Variants in RMND5B observed in about 807,000 individuals in gnomAD.
The protein encoded by RMND5B is required for meiotic nuclear division 5 homolog B, also known as E3 ubiquitin-protein transferase RMND5B.
RMND5B carries 42 observed loss-of-function variants against 50.4 expected under a neutral mutation model. The ratio of observed to expected loss-of-function variants is 0.83; its 90% CI spans 0.65 to 1.08. The LOEUF (loss-of-function observed/expected upper bound fraction) is 1.08. Among genes scored for constraint, RMND5B ranks in the 50% least tolerant of loss-of-function variants. The probability of loss-of-function intolerance (pLI) is 0.00; values close to 1 mark genes in which losing one functional copy is unlikely to be tolerated. For missense variants in RMND5B, 463 were observed against 508.5 expected (o/e 0.91, Z 0.86); for synonymous variants, 220 against 210.0 (o/e 1.05, Z -0.41).
At chr5:178,132,677 T>C (rs1233143942) in intron 2 of RMND5B, among the ~76,000 whole-genome samples, 3 of 150,870 alleles carry the variant, frequency 2.0e-5, no homozygotes, top group African/African-American at 7.3e-5. Flanking sequence ...GAGGCTGCAG[T>C]GAGCCCTGAT....
chr5:178,143,993 G>A lies in RMND5B; in HGVS notation c.579G>A (p.Glu193=). Residue 193 remains glutamate, a synonymous_variant, in exon 7 of 11, where the codon GAG becomes GAA. Coordinates refer to ENST00000313386, the MANE Select transcript of RMND5B (RefSeq NM_022762.5). ...QRLLELNSSL[E]FKLHRLHFIR... ...TGCTGGAACTCAACAGCTCCCTGGA[G>A]TTCAAGCTGCACCGACTGCACTTCA... The A allele has an allele frequency of 1.2e-6, 2 of 1,614,250 alleles. No individual in the cohort carries two copies. The highest frequency in any genetic ancestry group is 1.7e-6 in the Non-Finnish European group (2 of 1,180,048).
rs141228530 is a variant in RMND5B, at chr5:178,150,474, G to A, written c.*2442G>A. The A allele has an allele frequency of 1.4e-3, 500 of 357,004 alleles. 2 individuals are homozygous for A. The highest frequency in any genetic ancestry group is 9.9e-3 in the African/African-American group (463 of 46,850). The allele number at this position is 357,004 out of a possible 1,614,324, so 22.1% of individuals were successfully genotyped here. A position where few individuals can be genotyped will look rare whatever the true frequency, so the allele number is the denominator to read the frequency against. On this transcript the variant is annotated 3_prime_UTR_variant, in exon 11 of 11. Coordinates refer to ENST00000313386, the MANE Select transcript of RMND5B (RefSeq NM_022762.5). Reference sequence around the variant, plus strand: ...TGGCTCACTGCAGCCTTGAACTCCTGGGTTCAAGTGATCTCCTGCTTTAGC... The same window carrying A: ...TGGCTCACTGCAGCCTTGAACTCCTAGGTTCAAGTGATCTCCTGCTTTAGC...
At position 178,149,920 on chromosome 5, in the gene RMND5B, C is replaced by T; in HGVS notation, c.*1888C>T. ...AAGTCACCAACTGATGACCCACCAG[C>T]CTAATCTGGCCCACAACCATGTTCT... On this transcript the variant is annotated 3_prime_UTR_variant, in exon 11 of 11. Transcript: ENST00000313386. 2.1e-6 allele frequency: 3 copies of T among 1,459,560 alleles called. No homozygotes were observed. In the Admixed American group the frequency reaches 5.4e-5, roughly 26 times the overall value. 90.4% of individuals were successfully genotyped at this position (1,459,560 alleles called of 1,614,324 possible).
rs774927975 is a variant in RMND5B, at chr5:178,148,215, C to T, written c.*183C>T. The T allele has an allele frequency of 3.4e-5, 21 of 624,796 alleles. No homozygotes were observed. Among genetic ancestry groups the T allele is most frequent in the Middle Eastern group, 4.2e-4 (1 of 2,402 alleles). 38.7% of individuals were successfully genotyped at this position (624,796 alleles called of 1,614,324 possible). A position where few individuals can be genotyped will look rare whatever the true frequency, so the allele number is the denominator to read the frequency against. On this transcript the variant is annotated 3_prime_UTR_variant, in exon 11 of 11. Transcript: ENST00000313386. ...CTGAGGAGGGAGATGGACCAGCCCACGCCTGGCACCTGGCTCCATGGCATA... is the reference window on the plus strand; with the variant it reads ...CTGAGGAGGGAGATGGACCAGCCCATGCCTGGCACCTGGCTCCATGGCATA...
At chr5:178,146,346 C>A in intron 8 of RMND5B, 67 bp downstream of exon 8, 1 of 1,484,290 alleles carries the variant, frequency 6.7e-7, no homozygotes, top group Non-Finnish European at 9.2e-7. Context: ...TTTGCCAAGG[C>A]CCTGCCATGT....
At chr5:178,143,523 C>T (rs1755801720) in intron 5 of RMND5B, 104 bp from the exon 6 acceptor site, 1 of 897,310 alleles carries the variant, frequency 1.1e-6, no homozygotes. Context: ...CAAAGCCCAG[C>T]TCTCTGGCCT....
rs2113462057 is a variant in RMND5B at position 178,149,640 on chromosome 5, G to A, written c.*1608G>A. The A allele has an allele frequency of 6.2e-7, 1 of 1,601,590 alleles. No individual in the cohort carries two copies. The highest frequency in any genetic ancestry group is 1.1e-5 in the South Asian group (1 of 90,016). On this transcript the variant is annotated 3_prime_UTR_variant, in exon 11 of 11. Coordinates refer to ENST00000313386, the MANE Select transcript of RMND5B (RefSeq NM_022762.5). ...AAGATGCCGTCAGTGTGGGTGGGCA[G>A]GAGGACAGCCAGTCGTCCTGCTGCC... is the stretch of plus-strand genomic sequence containing the variant.
intron 2 of RMND5B, chr5:178,135,097 T>A (rs1325584169): frequency 1.3e-5 from 2 of 156,896 alleles, no homozygotes; most frequent in Admixed American, 6.5e-5. Flanking sequence ...ATTCTTCCCC[T>A]CTCTTCTCAC....
chr5:178,132,773 A>G (rs1402761045), intron 2 of RMND5B, among the ~76,000 whole-genome samples: 1 of 121,158 alleles, frequency 8.3e-6, no homozygotes, highest in African/African-American at 3.1e-5. Flanking sequence ...CTATTAACTG[A>G]AGAGACCCTG....
chr5:178,138,336 G>A lies in RMND5B; in HGVS notation c.139+78G>A, dbSNP rs756303918. On this transcript the variant is annotated intron_variant, in intron 3 of 10. Transcript: ENST00000313386. The surrounding 1 kb of genome is among the most constrained non-coding windows in gnomAD (Gnocchi z 5.1). ...AGACCCGAAGCTACTGAGTGACAGG[G>A]TTCCGGAAGGACGATGATGAGGATG... The A allele has an allele frequency of 1.0e-5, 16 of 1,545,712 alleles. No individual in the cohort carries two copies. The highest frequency in any genetic ancestry group is 1.3e-5 in the Non-Finnish European group (15 of 1,145,614).
Position 178,138,027 on chromosome 5 carries a change from G to T in RMND5B, c.-12-81G>T. The T allele has an allele frequency of 1.6e-6, 2 of 1,230,056 alleles. No individual in the cohort carries two copies. The highest frequency in any genetic ancestry group is 1.5e-5 in the African/African-American group (1 of 66,264). 76.2% of individuals were successfully genotyped at this position (1,230,056 alleles called of 1,614,324 possible). ...TACATGATGTGGGAATGGTGAGAGGGATCTGAAGAGGTGGTCTGGGCACCC... is the reference window on the plus strand; with the variant it reads ...TACATGATGTGGGAATGGTGAGAGGTATCTGAAGAGGTGGTCTGGGCACCC... On this transcript the variant is annotated intron_variant, in intron 2 of 10. Transcript: ENST00000313386. This position sits in a 1 kb window ranked among gnomAD's most constrained non-coding sequence, Gnocchi z 5.1.
At position 178,149,786 on chromosome 5, in the gene RMND5B, T is replaced by G; in HGVS notation, c.*1754T>G. 2 of 1,614,042 alleles carry G rather than the reference T, an allele frequency of 1.2e-6. No individual in the cohort carries two copies. Among genetic ancestry groups the G allele is most frequent in the Non-Finnish European group, 1.7e-6 (2 of 1,179,940 alleles). ...AGCCTCCTGGTACTCCTCATGGGGCTTGACCATTATCACACAGGTGGGGCG... is the reference window on the plus strand; with the variant it reads ...AGCCTCCTGGTACTCCTCATGGGGCGTGACCATTATCACACAGGTGGGGCG... On this transcript the variant is annotated 3_prime_UTR_variant, in exon 11 of 11. Coordinates refer to ENST00000313386, the MANE Select transcript of RMND5B (RefSeq NM_022762.5).
At chr5:178,132,284 T>TA (rs1209206701) in intron 2 of RMND5B, among the ~76,000 whole-genome samples, 2 of 151,842 alleles carry the variant, frequency 1.3e-5, no homozygotes, top group East Asian at 3.9e-4. Context: ...CTACTAAAAA[T>TA]ACAAAATTTA....
chr5:178,146,186 T>C lies in RMND5B; in HGVS notation c.767T>C (p.Leu256Pro). 6.2e-7 allele frequency: 1 copy of C among 1,614,170 alleles called. No individual in the cohort carries two copies. Among genetic ancestry groups the C allele is most frequent in the Non-Finnish European group, 8.5e-7 (1 of 1,180,010 alleles). ...GAGAAGTCACCCTACTGCCACCTGC[T>C]GGACAGCAGCCACTGGGCAGAGATC... ...GLEKSPYCHL[L>P]DSSHWAEICE... is the part of the protein sequence containing the mutation. The change falls in exon 8 of 11, where the codon CTG (leucine) becomes CCG (proline). Residue 256 changes from leucine to proline, a missense_variant. Transcript: ENST00000313386.
At chr5:178,143,352 A>G (rs1755793162) in intron 5 of RMND5B, among the ~76,000 whole-genome samples, 1 of 152,330 alleles carries the variant, frequency 6.6e-6, no homozygotes, top group East Asian at 1.9e-4. Context: ...TTTTCTCGCC[A>G]TGCAACTCAG....
At position 178,131,232 on chromosome 5, in the gene RMND5B, C is replaced by A. The variant is rs1758277851; in HGVS notation, c.-152-5C>A. 1 of 152,166 alleles carries A rather than the reference C, an allele frequency of 6.6e-6. No homozygotes were observed. Among genetic ancestry groups the A allele is most frequent in the South Asian group, 2.1e-4 (1 of 4,836 alleles). The allele number at this position is 152,166 out of a possible 1,614,324, so 9.4% of individuals were successfully genotyped here. On this transcript the variant is annotated splice_polypyrimidine_tract_variant and splice_region_variant and intron_variant, in intron 1 of 10. Transcript: ENST00000313386. ...AATCTGCCCTTGGGCTTGTTCTCTTCGCAGTTGTCGGCCCTGGGCCGGGAG... is the reference window on the plus strand; with the variant it reads ...AATCTGCCCTTGGGCTTGTTCTCTTAGCAGTTGTCGGCCCTGGGCCGGGAG...
In RMND5B at chr5:178,144,017, C is replaced by T. The variant is rs779825090; in HGVS notation, c.603C>T (p.Phe201=). The change falls in exon 7 of 11, where the codon TTC becomes TTT. Residue 201 remains phenylalanine (F), a synonymous_variant. Coordinates refer to ENST00000313386, the MANE Select transcript of RMND5B (RefSeq NM_022762.5). ...SLEFKLHRLH[F]IRLLAGGPAK... Reference sequence around the variant, plus strand: ...AGTTCAAGCTGCACCGACTGCACTTCATCCGCCTCTTGGCAGGAGGCCCCG... The same window carrying T: ...AGTTCAAGCTGCACCGACTGCACTTTATCCGCCTCTTGGCAGGAGGCCCCG... 22 of 1,614,150 alleles carry T rather than the reference C, an allele frequency of 1.4e-5. No individual in the cohort carries two copies. The highest frequency in any genetic ancestry group is 1.7e-5 in the Non-Finnish European group (20 of 1,180,048).
chr5:178,138,527 G>T lies in RMND5B; in HGVS notation c.139+269G>T. The T allele has an allele frequency of 3.7e-6, 2 of 541,734 alleles. No individual in the cohort carries two copies. Among genetic ancestry groups the T allele is most frequent in the Non-Finnish European group, 5.4e-6 (2 of 367,900 alleles). 33.6% of individuals were successfully genotyped at this position (541,734 alleles called of 1,614,324 possible). A position where few individuals can be genotyped will look rare whatever the true frequency, so the allele number is the denominator to read the frequency against. On this transcript the variant is annotated intron_variant, in intron 3 of 10. Coordinates refer to ENST00000313386, the MANE Select transcript of RMND5B (RefSeq NM_022762.5). This position sits in a 1 kb window ranked among gnomAD's most constrained non-coding sequence, Gnocchi z 5.1. ...TTTTTTTCATTTTATAATTGTGTGT[G>T]TGTGTGTGTGTGTGTGTGTGTAGAA...
Position 178,147,836 on chromosome 5 carries a change from C to G in RMND5B, c.1071C>G (p.Gly357=), listed in dbSNP as rs769112584. ...ACCCTCCCATCAAGCTCATCTGTGG[C>G]CATGTTATCTCCCGAGATGCACTCA... is the stretch of plus-strand genomic sequence containing the variant. ...DSNPPIKLIC[G]HVISRDALNK... Residue 357 remains glycine, a synonymous_variant, in exon 10 of 11, where the codon GGC becomes GGG. Coordinates refer to ENST00000313386, the MANE Select transcript of RMND5B (RefSeq NM_022762.5). 1.2e-6 allele frequency: 2 copies of G among 1,614,144 alleles called. No individual in the cohort carries two copies. The highest frequency in any genetic ancestry group is 2.2e-5 in the South Asian group (2 of 91,072).
Sources: allele counts gnomAD v4.1 joint callset (sites outside exome capture counted in the v4.1 genomes callset), GRCh38; gene constraint gnomAD v4.1.1; non-coding constraint Gnocchi (gnomAD v3.1); transcripts MANE v1.5; gene names NCBI Gene and HGNC (gene_info 2026-07-23, HGNC 2026-07-21).